Variants in BRINP3 observed in about 807,000 individuals in gnomAD.
The protein encoded by BRINP3 is BMP/retinoic acid inducible neural specific 3, also known as BMP/retinoic acid-inducible neural-specific protein 3.
BRINP3 carries 19 observed loss-of-function variants against 71.0 expected under a neutral mutation model. That is an observed-to-expected ratio of 0.27 (90% CI 0.19 to 0.39). BRINP3 has a LOEUF of 0.39. Among genes scored for constraint, BRINP3 ranks in the 10% least tolerant of loss-of-function variants. BRINP3 has a pLI of 1.00. For missense variants in BRINP3, 959 were observed against 940.8 expected (o/e 1.02, Z -0.25); for synonymous variants, 380 against 337.7 (o/e 1.13, Z -1.37).
At chr1:190,314,696 C>T (rs1457957708) in intron 2 of BRINP3, among the ~76,000 whole-genome samples, 1 of 152,078 alleles carries the variant, frequency 6.6e-6, no homozygotes, top group Non-Finnish European at 1.5e-5. Context: ...GGACTTCTGG[C>T]CCCCAAAACT....
chr1:190,203,798 T>C (rs12059602), intron 6 of BRINP3, among the ~76,000 whole-genome samples: 1,023 of 57,090 alleles, frequency 0.018, 58 homozygotes, highest in African/African-American at 0.076. Context: ...TATATATATA[T>C]ATATATATAT....
chr1:190,446,409 T>TA (rs1267784054), intron 2 of BRINP3, among the ~76,000 whole-genome samples: 5 of 152,082 alleles, frequency 3.3e-5, no homozygotes, highest in Admixed American at 2.6e-4. Context: ...GCTTCCTTCT[T>TA]ACTATAGCTT....
intron 2 of BRINP3, among the ~76,000 whole-genome samples, chr1:190,299,243 C>T (rs1664486728): frequency 6.6e-6 from 1 of 151,866 alleles, no homozygotes; most frequent in East Asian, 1.9e-4. Flanking sequence ...GCTAAGTTTT[C>T]TTGATCTATT....
chr1:190,429,523 T>A (rs1484974793), intron 2 of BRINP3, among the ~76,000 whole-genome samples: 1 of 152,142 alleles, frequency 6.6e-6, no homozygotes, highest in Non-Finnish European at 1.5e-5. Context: ...CATTACTTAC[T>A]GTAAATATTA....
intron 2 of BRINP3, among the ~76,000 whole-genome samples, chr1:190,322,099 A>C (rs1343314746): frequency 6.6e-6 from 1 of 152,060 alleles, no homozygotes; most frequent in African/African-American, 2.4e-5. Context: ...ATAGTATTTT[A>C]AATGAAAGGT....
At chr1:190,303,857 T>TA (rs1230076361) in intron 2 of BRINP3, among the ~76,000 whole-genome samples, 2 of 151,810 alleles carry the variant, frequency 1.3e-5, no homozygotes, top group African/African-American at 4.8e-5. Context: ...TAAATATTTT[T>TA]ATTTTCCCCC....
chr1:190,131,188 G>C (rs904546986), intron 7 of BRINP3, among the ~76,000 whole-genome samples: 1 of 123,596 alleles, frequency 8.1e-6, no homozygotes, highest in Non-Finnish European at 1.7e-5. Flanking sequence ...GGCGGGGGGT[G>C]GGGGGTGGGG....
chr1:190,319,765 A>G (rs552176033), intron 2 of BRINP3, among the ~76,000 whole-genome samples: 3 of 152,130 alleles, frequency 2.0e-5, no homozygotes, highest in African/African-American at 7.2e-5. Context: ...TACCCCCTTG[A>G]TCCAATCACC....
intron 2 of BRINP3, among the ~76,000 whole-genome samples, chr1:190,345,401 C>T (rs1667951102): frequency 6.6e-6 from 1 of 151,708 alleles, no homozygotes; most frequent in South Asian, 2.1e-4. Context: ...TCAGGAAGAA[C>T]ATTGGAATCA....
At chr1:190,204,956 T>C (rs142724944) in intron 6 of BRINP3, among the ~76,000 whole-genome samples, 111 of 150,112 alleles carry the variant, frequency 7.4e-4, no homozygotes, top group African/African-American at 2.6e-3. Context: ...TTCCTCTCTA[T>C]TGAATTTTGG....
chr1:190,357,856 C>T (rs1668839930), intron 2 of BRINP3, among the ~76,000 whole-genome samples: 1 of 151,880 alleles, frequency 6.6e-6, no homozygotes, highest in Non-Finnish European at 1.5e-5. Flanking sequence ...AATAATACCA[C>T]ACATCTACAA....
chr1:190,199,809 AAACCT>A (rs1654840213), intron 6 of BRINP3, among the ~76,000 whole-genome samples: 1 of 151,832 alleles, frequency 6.6e-6, no homozygotes, highest in South Asian at 2.1e-4. Context: ...AACAAAAAAA[AAACCT>A]AACCATTTTT....
At chr1:190,377,841 G>A (rs1670280722) in intron 2 of BRINP3, among the ~76,000 whole-genome samples, 1 of 151,834 alleles carries the variant, frequency 6.6e-6, no homozygotes, top group African/African-American at 2.4e-5. Context: ...ACACTGAAAA[G>A]TACAAAATAT....
At chr1:190,258,605 C>T (rs1292644031) in intron 4 of BRINP3, among the ~76,000 whole-genome samples, 6 of 152,040 alleles carry the variant, frequency 3.9e-5, no homozygotes, top group Non-Finnish European at 8.8e-5. Flanking sequence ...TTACTACTGG[C>T]CTTACAGAAA....
In BRINP3 at chr1:190,367,469, G is replaced by A. The variant is rs7518907; in HGVS notation, c.237-85719C>T. On this transcript the variant is annotated intron_variant, in intron 2 of 7. Transcript: ENST00000367462. ...TGTGATAGGAGGTGCTGCTGCAAAGGTCTCTGACATGCCCTGGGGACATTT... is the reference window on the plus strand; with the variant it reads ...TGTGATAGGAGGTGCTGCTGCAAAGATCTCTGACATGCCCTGGGGACATTT... 7.0e-3 allele frequency among the ~76,000 whole-genome samples: 1,066 copies of A among 152,278 alleles called. 17 individuals carry two copies. The highest frequency in any genetic ancestry group is 0.025 in the African/African-American group (1,019 of 41,562).
intron 2 of BRINP3, among the ~76,000 whole-genome samples, chr1:190,316,890 T>C (rs568771280): frequency 6.6e-6 from 1 of 152,172 alleles, no homozygotes; most frequent in Admixed American, 6.6e-5. Flanking sequence ...GCTAAAAATG[T>C]GGCCGGGTGT....
At chr1:190,455,037 C>G in intron 1 of BRINP3, 97 bp from the exon 2 acceptor site, 1 of 582,954 alleles carries the variant, frequency 1.7e-6, no homozygotes, top group Non-Finnish European at 3.0e-6. Flanking sequence ...AATCTAATAT[C>G]ATTGTTTTAA....
intron 7 of BRINP3, among the ~76,000 whole-genome samples, chr1:190,100,038 G>A (rs1317011218): frequency 6.6e-6 from 1 of 152,108 alleles, no homozygotes; most frequent in East Asian, 1.9e-4. Flanking sequence ...CATACTGCAT[G>A]TATGATCATG....
intron 2 of BRINP3, among the ~76,000 whole-genome samples, chr1:190,322,169 A>G (rs1666288716): frequency 6.6e-6 from 1 of 152,030 alleles, no homozygotes; most frequent in African/African-American, 2.4e-5. Context: ...AGAATATGGT[A>G]TTTCCAGTAA....
Sources: allele counts gnomAD v4.1 joint callset (sites outside exome capture counted in the v4.1 genomes callset), GRCh38; gene constraint gnomAD v4.1.1; transcripts MANE v1.5; gene names NCBI Gene and HGNC (gene_info 2026-07-23, HGNC 2026-07-21).